CDK19: variants seen among roughly 807,000 people sequenced by gnomAD.
CDK19 encodes the protein cyclin-dependent kinase 19.
A neutral mutation model predicts 68.3 loss-of-function variants in CDK19; 20 were observed. The observed-to-expected ratio is 0.29, with a 90% CI of 0.21 to 0.43. The LOEUF (loss-of-function observed/expected upper bound fraction) is 0.43, where lower values mean the gene tolerates loss of function less well. Ranked by LOEUF, CDK19 falls within the 20% of genes least tolerant of loss-of-function variation. The pLI is 1.00. For missense variants in CDK19, 339 were observed against 623.5 expected, an observed-to-expected ratio of 0.54 and a Z score of 4.86; for synonymous variants, 221 against 222.8, an observed-to-expected ratio of 0.99 and a Z score of 0.07.
At chr6:110,773,408 G>A (rs1012761776) in intron 1 of CDK19, among the ~76,000 whole-genome samples, 6 of 151,672 alleles carry the variant, frequency 4.0e-5, no homozygotes, top group African/African-American at 1.5e-4. Flanking sequence ...TAACATTTCT[G>A]GCAAATGGGA....
At chr6:110,670,699 A>G in intron 2 of CDK19, 158 bp from the exon 3 acceptor site, 1 of 660,802 alleles carries the variant, frequency 1.5e-6, no homozygotes, top group Non-Finnish European at 2.7e-6. Flanking sequence ...GCATTCAGAG[A>G]TAAGCTCTGT....
At chr6:110,693,101 A>G (rs192386203) in intron 2 of CDK19, among the ~76,000 whole-genome samples, 1 of 152,336 alleles carries the variant, frequency 6.6e-6, no homozygotes, top group East Asian at 1.9e-4. Context: ...GACGGATAGG[A>G]GACAGGACTA....
chr6:110,775,315 A>T (rs1441251173), intron 1 of CDK19, among the ~76,000 whole-genome samples: 1 of 152,218 alleles, frequency 6.6e-6, no homozygotes, highest in East Asian at 1.9e-4. Context: ...GAGAATGGCA[A>T]ATCCTGCAGC....
intron 2 of CDK19, among the ~76,000 whole-genome samples, chr6:110,685,154 A>G (rs758474939): frequency 4.6e-5 from 7 of 152,146 alleles, no homozygotes; most frequent in Non-Finnish European, 7.4e-5. Context: ...AAAGAAAAGA[A>G]AACCTTATAA....
At chr6:110,614,850 T>G (rs183642622) in intron 12 of CDK19, among the ~76,000 whole-genome samples, 184 bp from the exon 13 acceptor site, 1 of 152,332 alleles carries the variant, frequency 6.6e-6, no homozygotes, top group Non-Finnish European at 1.5e-5. Context: ...CTGCCACCAC[T>G]GTAACCACAC....
chr6:110,732,367 G>A (rs1776830556), intron 2 of CDK19, among the ~76,000 whole-genome samples: 1 of 152,084 alleles, frequency 6.6e-6, no homozygotes, highest in African/African-American at 2.4e-5. Flanking sequence ...GCTGGGTATG[G>A]TGGTGCATGC....
intron 1 of CDK19, among the ~76,000 whole-genome samples, chr6:110,798,068 A>G (rs1385122891): frequency 5.3e-5 from 8 of 152,056 alleles, no homozygotes; most frequent in Non-Finnish European, 1.2e-4. Context: ...ATAGAAATTA[A>G]TACCACTACC....
intron 2 of CDK19, among the ~76,000 whole-genome samples, chr6:110,691,473 CAAAAA>C (rs1030873275): frequency 2.2e-5 from 3 of 137,476 alleles, no homozygotes; most frequent in Non-Finnish European, 3.2e-5. Flanking sequence ...GACTCCGTCT[CAAAAA>C]AAAAAAGAAA....
chr6:110,720,539 A>T (rs1000368123), intron 2 of CDK19, among the ~76,000 whole-genome samples: 6 of 152,206 alleles, frequency 3.9e-5, no homozygotes, highest in Non-Finnish European at 7.3e-5. Flanking sequence ...TTAAACGACA[A>T]AAAAGAGAAG....
intron 12 of CDK19, among the ~76,000 whole-genome samples, chr6:110,617,662 T>TATATACACACACACACACACACACAC (rs755618032): frequency 9.3e-6 from 1 of 107,158 alleles, no homozygotes; most frequent in South Asian, 3.2e-4. Flanking sequence ...TATATATATA[T>TATATACACACACACACACACACACAC]ACACACACAC....
chr6:110,632,763 A>G (rs1387038939), intron 5 of CDK19, among the ~76,000 whole-genome samples: 2 of 152,094 alleles, frequency 1.3e-5, no homozygotes, highest in Admixed American at 1.3e-4. Flanking sequence ...TGATTTGCCT[A>G]AGGTCACACA....
At chr6:110,769,400 A>G (rs1779834135) in intron 1 of CDK19, among the ~76,000 whole-genome samples, 1 of 151,296 alleles carries the variant, frequency 6.6e-6, no homozygotes, top group Admixed American at 6.6e-5. Flanking sequence ...CCCTGTCTCT[A>G]CTAAAAATAC....
At chr6:110,695,964 T>C (rs564686450) in intron 2 of CDK19, among the ~76,000 whole-genome samples, 11 of 152,220 alleles carry the variant, frequency 7.2e-5, no homozygotes, top group Admixed American at 1.3e-4. Context: ...TTACAAAAGA[T>C]AGACAAAGAG....
chr6:110,621,349 G>C lies in CDK19; in HGVS notation c.1132C>G (p.Gln378Glu). 6.4e-7 allele frequency: 1 copy of C among 1,559,390 alleles called. No individual in the cohort carries two copies. Among genetic ancestry groups the C allele is most frequent in the Non-Finnish European group, 8.7e-7 (1 of 1,155,018 alleles). Residue 378 changes from glutamine (Q) to glutamate (E), a missense_variant, in exon 12 of 13, where the codon CAG (glutamine) becomes GAG (glutamate). Gln to Glu is a conservative substitution (Grantham distance 29). Around this residue, in one of 4 missense-constraint regions of CDK19, gnomAD observed 155 missense variants for 222.7 expected, o/e 0.70. Coordinates refer to ENST00000368911, the MANE Select transcript of CDK19 (RefSeq NM_015076.5). This position sits in a 1 kb window ranked among gnomAD's most constrained non-coding sequence, Gnocchi z 5.4. ...GGAGGGGCTGTGGGCTGCTGATGCT[G>C]GTTCTGCTGCTGTTGCTGATTCTTT... The part of the protein sequence containing the change: ...GDKNQQQQQN[Q>E]HQQPTAPPQQ...
chr6:110,812,757 C>G (rs926471347), intron 1 of CDK19, among the ~76,000 whole-genome samples: 1 of 150,250 alleles, frequency 6.7e-6, no homozygotes, highest in African/African-American at 2.5e-5. Context: ...TGTAATCTAC[C>G]ATGATCGGAG....
chr6:110,777,364 G>A (rs1000275071), intron 1 of CDK19, among the ~76,000 whole-genome samples: 1 of 151,966 alleles, frequency 6.6e-6, no homozygotes, highest in Non-Finnish European at 1.5e-5. Flanking sequence ...GCTGTCATTT[G>A]GTTACATAAC....
intron 2 of CDK19, among the ~76,000 whole-genome samples, chr6:110,734,520 G>GCGCTCTCTCTCTCTCTCTCTCTCTCTCT (rs1554214772): frequency 1.2e-5 from 1 of 85,734 alleles, no homozygotes; most frequent in Non-Finnish European, 2.3e-5. Context: ...GGTGAGCACT[G>GCGCTCTCTCTCTCTCTCTCTCTCTCTCT]CTCTCTCTCT....
chr6:110,740,846 C>T (rs1206665827), intron 2 of CDK19, among the ~76,000 whole-genome samples: 1 of 152,128 alleles, frequency 6.6e-6, no homozygotes, highest in African/African-American at 2.4e-5. Context: ...TCCATTCTCC[C>T]CAATCTATCA....
intron 4 of CDK19, among the ~76,000 whole-genome samples, chr6:110,642,057 CT>C (rs1466937706): frequency 6.6e-6 from 1 of 152,004 alleles, no homozygotes; most frequent in Non-Finnish European, 1.5e-5. Flanking sequence ...AATCCCAGCA[CT>C]TTGGGAGACC....
Sources: allele counts gnomAD v4.1 joint callset (sites outside exome capture counted in the v4.1 genomes callset), GRCh38; gene constraint gnomAD v4.1.1; regional missense constraint gnomAD v4.1.1; non-coding constraint Gnocchi (gnomAD v3.1); transcripts MANE v1.5; gene names NCBI Gene and HGNC (gene_info 2026-07-23, HGNC 2026-07-21).